ATP13A4: variants seen among roughly 807,000 people sequenced by gnomAD.
The protein encoded by ATP13A4 is probable cation-transporting ATPase 13A4.
ATP13A4 carries 114 observed loss-of-function variants against 142.5 expected under a neutral mutation model. That is an observed-to-expected ratio of 0.80 (90% CI 0.69 to 0.93). ATP13A4 has a LOEUF of 0.93. Among genes scored for constraint, ATP13A4 ranks in the 40% least tolerant of loss-of-function variants. The pLI, the probability that ATP13A4 is intolerant of heterozygous loss-of-function variation, is 0.00. For missense variants in ATP13A4, 1,392 were observed against 1,454.0 expected (o/e 0.96, Z 0.69); for synonymous variants, 488 against 514.8 (o/e 0.95, Z 0.70).
At chr3:193,403,492 C>T (rs1267164063) in intron 29 of ATP13A4, among the ~76,000 whole-genome samples, 1 of 152,122 alleles carries the variant, frequency 6.6e-6, no homozygotes, top group Non-Finnish European at 1.5e-5. Flanking sequence ...CTTTACAATG[C>T]AGGGCAGGGC....
chr3:193,427,930 A>G lies in ATP13A4; in HGVS notation c.2842+5915T>C, dbSNP rs550389485. Among the ~76,000 whole-genome samples the G allele has an allele frequency of 4.6e-5, 7 of 152,346 alleles. No individual in the cohort carries two copies. In the South Asian group the frequency reaches 1.4e-3, roughly 32 times the overall value. On this transcript the variant is annotated intron_variant, in intron 25 of 29. Transcript: ENST00000342695. ...AAAAGCAATGGCAACAAAAGCCAAAATTAACAAATGGGATCTAATTAAACA... is the reference window on the plus strand; with the variant it reads ...AAAAGCAATGGCAACAAAAGCCAAAGTTAACAAATGGGATCTAATTAAACA...
chr3:193,464,911 T>C, intron 12 of ATP13A4, 29 bp downstream of exon 12: 2 of 1,602,744 alleles, frequency 1.2e-6, no homozygotes, highest in Non-Finnish European at 1.7e-6. Flanking sequence ...GTAAAAATGA[T>C]GATAAGAATA....
intron 17 of ATP13A4, 51 bp downstream of exon 17, chr3:193,454,050 G>T (rs1576979491): frequency 6.8e-7 from 1 of 1,477,116 alleles, no homozygotes; most frequent in Non-Finnish European, 9.5e-7. Context: ...TTCCAACCTG[G>T]TACATCTTTC....
intron 2 of ATP13A4, among the ~76,000 whole-genome samples, chr3:193,566,004 T>G (rs561684940): frequency 6.6e-6 from 1 of 152,288 alleles, no homozygotes; most frequent in South Asian, 2.1e-4. Flanking sequence ...TGCCAGGCCA[T>G]GAGACTATCA....
chr3:193,433,849 T>C lies in ATP13A4; in HGVS notation c.2838A>G (p.Val946=), dbSNP rs751526441. The change falls in exon 25 of 30, where the codon GTA becomes GTG. Residue 946 remains valine, a synonymous_variant. Transcript: ENST00000342695. ...QDLAITTLIG[V]TMNLNGAYPK... ...GAAAGTTTTAAAATGTCTTACTTGT[T>C]ACACCAATAAGAGTTGTAATGGCCA... The C allele has an allele frequency of 5.0e-6, 8 of 1,611,820 alleles. No homozygotes were observed. The African/African-American group carries it at 1.1e-4, about 22-fold the overall frequency.
At chr3:193,537,531 G>T (rs1722651163) in intron 1 of ATP13A4, among the ~76,000 whole-genome samples, 1 of 152,118 alleles carries the variant, frequency 6.6e-6, no homozygotes, top group African/African-American at 2.4e-5. Flanking sequence ...TCCTAGACTT[G>T]AAAACATCTT....
chr3:193,512,812 G>A (rs1311135256), intron 2 of ATP13A4, among the ~76,000 whole-genome samples: 1 of 152,176 alleles, frequency 6.6e-6, no homozygotes, highest in East Asian at 1.9e-4. Flanking sequence ...ACGTGAGCTA[G>A]GGGAAATTGT....
At chr3:193,466,289 G>T in intron 10 of ATP13A4, 107 bp from the exon 11 acceptor site, 1 of 1,367,466 alleles carries the variant, frequency 7.3e-7, no homozygotes, top group Non-Finnish European at 1.0e-6. Flanking sequence ...TTTGAACAGT[G>T]TTTAAGCTCA....
chr3:193,533,179 A>C (rs1243374403), intron 1 of ATP13A4, among the ~76,000 whole-genome samples: 1 of 152,188 alleles, frequency 6.6e-6, no homozygotes, highest in Non-Finnish European at 1.5e-5. Flanking sequence ...CAAGAGTTCA[A>C]GAGCAGCCTG....
rs1030991613 is a variant in ATP13A4 at position 193,540,475 on chromosome 3, C to G, written c.60+14265G>C. Among the ~76,000 whole-genome samples the G allele has an allele frequency of 5.2e-5, 6 of 115,400 alleles. No individual in the cohort carries two copies. The Admixed American group carries it at 7.4e-4, about 14-fold the overall frequency. The allele number at this position is 115,400 out of a possible 152,430, so 75.7% of individuals were successfully genotyped here. A position where few individuals can be genotyped will look rare whatever the true frequency, so the allele number is the denominator to read the frequency against. ...AGTATTAAAAGTCAAACTGGCCTCACAAATGTGTAGACCTCCAAAGGGTAG... is the reference window on the plus strand; with the variant it reads ...AGTATTAAAAGTCAAACTGGCCTCAGAAATGTGTAGACCTCCAAAGGGTAG... On this transcript the variant is annotated intron_variant, in intron 1 of 29. Coordinates refer to ENST00000342695, the MANE Select transcript of ATP13A4 (RefSeq NM_032279.4).
chr3:193,553,197 T>C (rs1376727362), intron 1 of ATP13A4: 1 of 152,248 alleles, frequency 6.6e-6, no homozygotes, highest in Non-Finnish European at 1.5e-5. Flanking sequence ...CATACAAAAC[T>C]ACGTGGAGTT....
At position 193,462,755 on chromosome 3, in the gene ATP13A4, T is replaced by C; in HGVS notation, c.1523+7A>G. 6.2e-7 allele frequency: 1 copy of C among 1,612,454 alleles called. No homozygotes were observed. The highest frequency in any genetic ancestry group is 8.5e-7 in the Non-Finnish European group (1 of 1,178,528). On this transcript the variant is annotated splice_region_variant and intron_variant, in intron 13 of 29. Coordinates refer to ENST00000342695, the MANE Select transcript of ATP13A4 (RefSeq NM_032279.4). ...ATGCATTTAGTCCAAGAGTCCAAGG[T>C]ACTCACCCATTCCTATCACAGGACA... is the stretch of plus-strand genomic sequence containing the variant.
At chr3:193,431,831 G>A (rs1715994109) in intron 25 of ATP13A4, among the ~76,000 whole-genome samples, 1 of 151,408 alleles carries the variant, frequency 6.6e-6, no homozygotes, top group African/African-American at 2.4e-5. Context: ...CTGTTTTGGG[G>A]AGCAACATGT....
intron 17 of ATP13A4, among the ~76,000 whole-genome samples, chr3:193,453,873 C>A (rs898039249): frequency 3.3e-5 from 5 of 152,158 alleles, no homozygotes; most frequent in Non-Finnish European, 7.3e-5. Context: ...CTCATAAAAT[C>A]CCCCAGTGAG....
intron 2 of ATP13A4, among the ~76,000 whole-genome samples, chr3:193,505,588 A>G (rs545467609): frequency 7.9e-5 from 12 of 152,328 alleles, no homozygotes; most frequent in Non-Finnish European, 1.6e-4. Flanking sequence ...AATTCTACTA[A>G]TTATGTATCA....
chr3:193,488,226 T>A (rs1719747090), intron 7 of ATP13A4, among the ~76,000 whole-genome samples: 1 of 152,142 alleles, frequency 6.6e-6, no homozygotes, highest in South Asian at 2.1e-4. Flanking sequence ...ATCACACCAT[T>A]GCACTCCAGT....
chr3:193,414,044 A>C (rs536472460), intron 26 of ATP13A4, among the ~76,000 whole-genome samples: 1 of 152,162 alleles, frequency 6.6e-6, no homozygotes, highest in Non-Finnish European at 1.5e-5. Flanking sequence ...CGGAGGCCCA[A>C]CTGCAAAATT....
chr3:193,503,236 A>G (rs1252755342), intron 2 of ATP13A4, among the ~76,000 whole-genome samples: 1 of 152,220 alleles, frequency 6.6e-6, no homozygotes, highest in Non-Finnish European at 1.5e-5. Context: ...AACTGAATCC[A>G]TGGACTGAAC....
intron 26 of ATP13A4, among the ~76,000 whole-genome samples, chr3:193,413,149 A>C (rs893309014): frequency 1.3e-5 from 2 of 152,208 alleles, no homozygotes; most frequent in Non-Finnish European, 2.9e-5. Flanking sequence ...ATCAGTTCCC[A>C]AAATTAATAC....
Sources: gnomAD v4.1 joint callset for allele counts (sites outside exome capture counted in the v4.1 genomes callset) on GRCh38, gnomAD v4.1.1 for gene constraint, MANE v1.5 for transcripts, NCBI Gene and HGNC (gene_info 2026-07-23, HGNC 2026-07-21) for gene names.